ARPP21: variants seen among roughly 807,000 people sequenced by gnomAD.
ARPP21 encodes the protein cAMP-regulated phosphoprotein 21.
A neutral mutation model predicts 113.2 loss-of-function variants in ARPP21; 69 were observed. The ratio of observed to expected loss-of-function variants is 0.61; its 90% CI spans 0.50 to 0.74. The LOEUF (loss-of-function observed/expected upper bound fraction) is 0.74. ARPP21 is among the 30% of genes least tolerant of loss of function. The pLI is 0.00. For missense variants in ARPP21, 1,070 were observed against 1,037.4 expected, an observed-to-expected ratio of 1.03 and a Z score of -0.43; for synonymous variants, 368 against 375.5, an observed-to-expected ratio of 0.98 and a Z score of 0.23.
At chr3:35,726,584 C>T (rs1235484279) in intron 14 of ARPP21, among the ~76,000 whole-genome samples, 2 of 151,790 alleles carry the variant, frequency 1.3e-5, no homozygotes, top group African/African-American at 4.8e-5. Context: ...ATTGATGCTG[C>T]TTTTTTTTTC....
At chr3:35,669,494 T>C (rs1357230593) in intron 1 of ARPP21, among the ~76,000 whole-genome samples, 1 of 152,152 alleles carries the variant, frequency 6.6e-6, no homozygotes, top group Non-Finnish European at 1.5e-5. Flanking sequence ...TCCACATCCA[T>C]AGTTTGGATG....
At chr3:35,767,535 GAGAAA>G (rs766166505) in intron 19 of ARPP21, among the ~76,000 whole-genome samples, 4 of 152,024 alleles carry the variant, frequency 2.6e-5, no homozygotes, top group Non-Finnish European at 4.4e-5. Flanking sequence ...ACTCCAAGCA[GAGAAA>G]AGAAGTCTAT....
At chr3:35,688,956 G>A (rs1473109122) in intron 6 of ARPP21, among the ~76,000 whole-genome samples, 5 of 149,698 alleles carry the variant, frequency 3.3e-5, no homozygotes, top group Non-Finnish European at 7.4e-5. Flanking sequence ...AGCTCTCTCT[G>A]TAGGTGGGAG....
intron 1 of ARPP21, among the ~76,000 whole-genome samples, chr3:35,664,184 G>C (rs528508532): frequency 6.6e-6 from 1 of 152,202 alleles, no homozygotes; most frequent in Admixed American, 6.5e-5. Flanking sequence ...TAATTGACAC[G>C]TACATATTTA....
chr3:35,714,206 T>C (rs916161684), intron 11 of ARPP21, among the ~76,000 whole-genome samples: 3 of 152,222 alleles, frequency 2.0e-5, no homozygotes, highest in Non-Finnish European at 4.4e-5. Context: ...GGATGCATGT[T>C]AAGTGCAGCA....
chr3:35,788,714 C>A (rs1192937338), intron 19 of ARPP21, among the ~76,000 whole-genome samples: 1 of 152,182 alleles, frequency 6.6e-6, no homozygotes, highest in Non-Finnish European at 1.5e-5. Context: ...TGCCAATCTA[C>A]AATCCCTAAT....
At chr3:35,722,932 T>C (rs1185935279) in intron 14 of ARPP21, among the ~76,000 whole-genome samples, 2 of 152,248 alleles carry the variant, frequency 1.3e-5, no homozygotes, top group African/African-American at 4.8e-5. Context: ...TAGCACTCCA[T>C]GAACTGAAGT....
chr3:35,737,636 T>A (rs1467505682), intron 16 of ARPP21, among the ~76,000 whole-genome samples: 1 of 152,196 alleles, frequency 6.6e-6, no homozygotes, highest in Non-Finnish European at 1.5e-5. Flanking sequence ...GCCCTTTTTT[T>A]AAATGTATGG....
intron 9 of ARPP21, among the ~76,000 whole-genome samples, chr3:35,691,337 A>G (rs559519396): frequency 6.6e-6 from 1 of 151,702 alleles, no homozygotes; most frequent in Admixed American, 6.6e-5. Context: ...AAAACAATAG[A>G]TATTTTTAAA....
chr3:35,678,130 C>T (rs1262273581), intron 1 of ARPP21, among the ~76,000 whole-genome samples: 1 of 151,924 alleles, frequency 6.6e-6, no homozygotes, highest in Non-Finnish European at 1.5e-5. Context: ...TTTGTTCTTT[C>T]TCTCTTCCTG....
At chr3:35,683,952 C>T (rs2149501945) in intron 5 of ARPP21, 137 bp downstream of exon 5, 2 of 1,203,020 alleles carry the variant, frequency 1.7e-6, no homozygotes, top group Middle Eastern at 1.9e-4. Context: ...TGGCTTTATC[C>T]CCTGCTTATG....
At chr3:35,692,207 G>A (rs187275230) in intron 9 of ARPP21, among the ~76,000 whole-genome samples, 1 of 151,798 alleles carries the variant, frequency 6.6e-6, no homozygotes, top group Admixed American at 6.6e-5. Context: ...GAATCATTCA[G>A]TCCTGTAGTT....
intron 8 of ARPP21, 31 bp downstream of exon 8, chr3:35,690,171 A>T (rs371750884): frequency 1.3e-5 from 14 of 1,049,390 alleles, no homozygotes; most frequent in African/African-American, 3.1e-5. Flanking sequence ...GGTTAATTTG[A>T]TCATGTATCC....
chr3:35,743,077 A>T (rs1381060888), intron 18 of ARPP21, among the ~76,000 whole-genome samples: 1 of 152,212 alleles, frequency 6.6e-6, no homozygotes, highest in Non-Finnish European at 1.5e-5. Context: ...TAGATTGAAC[A>T]TACTTTTTTG....
At chr3:35,693,856 C>G (rs946555455) in intron 9 of ARPP21, among the ~76,000 whole-genome samples, 1 of 151,498 alleles carries the variant, frequency 6.6e-6, no homozygotes, top group South Asian at 2.1e-4. Flanking sequence ...TTGGGGAATA[C>G]CTTTTCAATA....
chr3:35,705,745 C>T (rs550827052), intron 9 of ARPP21, among the ~76,000 whole-genome samples: 4 of 151,994 alleles, frequency 2.6e-5, no homozygotes, highest in African/African-American at 4.8e-5. Flanking sequence ...TTGTAAGGAT[C>T]GAATAAGATA....
At chr3:35,747,176 C>A (rs1187063344) in intron 19 of ARPP21, among the ~76,000 whole-genome samples, 3 of 151,936 alleles carry the variant, frequency 2.0e-5, no homozygotes, top group Admixed American at 6.5e-5. Flanking sequence ...CAGGGTGAAA[C>A]CCCGTCTCTA....
At chr3:35,667,841 A>AAGAAGAAGAAGAAGAAGAAG (rs1559547262) in intron 1 of ARPP21, among the ~76,000 whole-genome samples, 12 of 81,542 alleles carry the variant, frequency 1.5e-4, no homozygotes, top group African/African-American at 6.6e-4. Context: ...TTTTATTCTC[A>AAGAAGAAGAAGAAGAAGAAG]AAGAAGAAGA....
chr3:35,715,104 C>A (rs184034216), intron 11 of ARPP21: 1 of 228,660 alleles, frequency 4.4e-6, no homozygotes, highest in African/African-American at 2.3e-5. Context: ...GGCTGCAGCT[C>A]TGCAGCTCCA....
Sources: allele counts gnomAD v4.1 joint callset (sites outside exome capture counted in the v4.1 genomes callset), GRCh38; gene constraint gnomAD v4.1.1; transcripts MANE v1.5; gene names NCBI Gene and HGNC (gene_info 2026-07-23, HGNC 2026-07-21).